The following GRM8 variants were observed in gnomAD, a reference collection of about 807,000 sequenced individuals.
GRM8 encodes glutamate metabotropic receptor 8, also known as metabotropic glutamate receptor 8.
Under a neutral mutation model 87.2 loss-of-function variants are expected in GRM8, and 47 were observed. The ratio of observed to expected loss-of-function variants is 0.54; its 90% CI spans 0.43 to 0.69. The LOEUF is 0.69. GRM8 is among the 30% of genes least tolerant of loss of function. The pLI, the probability that GRM8 is intolerant of heterozygous loss-of-function variation, is 0.00. For synonymous variants in GRM8, 396 were observed against 404.5 expected (o/e 0.98, Z 0.25); for missense variants, 1,019 against 1,139.2 (o/e 0.89, Z 1.52).
chr7:126,444,076 A>G (rs949433053), intron 10 of GRM8, among the ~76,000 whole-genome samples: 1 of 151,908 alleles, frequency 6.6e-6, no homozygotes, highest in African/African-American at 2.4e-5. Context: ...TTGCTGCTAA[A>G]AAAGAAAAAA....
At chr7:127,116,784 T>G (rs991450524) in intron 2 of GRM8, among the ~76,000 whole-genome samples, 2 of 152,248 alleles carry the variant, frequency 1.3e-5, no homozygotes, top group African/African-American at 4.8e-5. Context: ...TGACAGGTAC[T>G]TAATTTTAGA....
chr7:126,896,744 TTCTATCATCATAAATAAGAA>T (rs768346552), intron 6 of GRM8, among the ~76,000 whole-genome samples: 21 of 152,164 alleles, frequency 1.4e-4, no homozygotes, highest in Admixed American at 2.6e-4. Flanking sequence ...TTACCGCTAT[TTCTATCATCATAAATAAGAA>T]TCAATAGGCC....
At chr7:126,465,599 T>C (rs986074539) in intron 9 of GRM8, among the ~76,000 whole-genome samples, 1 of 151,850 alleles carries the variant, frequency 6.6e-6, no homozygotes, top group Non-Finnish European at 1.5e-5. Flanking sequence ...GTAAATTTTA[T>C]ATTTTTATTT....
At chr7:126,602,081 CT>C (rs1797837240) in intron 8 of GRM8, among the ~76,000 whole-genome samples, 1 of 134,766 alleles carries the variant, frequency 7.4e-6, no homozygotes, top group Non-Finnish European at 1.6e-5. Context: ...ACGTTTAAAT[CT>C]TTAATCCATC....
chr7:127,228,376 G>C (rs1797475042), intron 2 of GRM8: 1 of 152,244 alleles, frequency 6.6e-6, no homozygotes, highest in South Asian at 2.1e-4. Context: ...GTTACAGGGA[G>C]CAGGTGATGT....
chr7:126,760,270 G>A (rs997701696), intron 7 of GRM8, among the ~76,000 whole-genome samples: 1 of 152,198 alleles, frequency 6.6e-6, no homozygotes, highest in African/African-American at 2.4e-5. Flanking sequence ...AATGGATGAA[G>A]TTGAGTAGGA....
At chr7:127,076,886 T>C (rs933819114) in intron 3 of GRM8, among the ~76,000 whole-genome samples, 1 of 152,140 alleles carries the variant, frequency 6.6e-6, no homozygotes, top group Admixed American at 6.5e-5. Context: ...GAGCTGTCTG[T>C]GGTTAAACAG....
chr7:127,136,571 A>AT (rs1185039575), intron 2 of GRM8, among the ~76,000 whole-genome samples: 22 of 151,892 alleles, frequency 1.4e-4, no homozygotes, highest in Non-Finnish European at 2.2e-4. Context: ...GAAGGGATAT[A>AT]TTTTTTTATT....
chr7:126,842,751 T>A (rs1314198418), intron 6 of GRM8, among the ~76,000 whole-genome samples: 2 of 152,130 alleles, frequency 1.3e-5, no homozygotes, highest in African/African-American at 4.8e-5. Context: ...CATAAGCCAA[T>A]GAATGCAAGC....
At chr7:126,899,237 G>GT (rs1801834454) in intron 6 of GRM8, among the ~76,000 whole-genome samples, 1 of 151,936 alleles carries the variant, frequency 6.6e-6, no homozygotes, top group African/African-American at 2.4e-5. Flanking sequence ...AGAACTCAAA[G>GT]TTAAGCATAG....
At chr7:126,892,882 G>A (rs1801189635) in intron 6 of GRM8, among the ~76,000 whole-genome samples, 2 of 152,002 alleles carry the variant, frequency 1.3e-5, no homozygotes, top group East Asian at 1.9e-4. Context: ...TTTCTCTGAT[G>A]GCCAGTGATG....
intron 2 of GRM8, among the ~76,000 whole-genome samples, chr7:127,166,054 T>C (rs1240078050): frequency 6.6e-6 from 1 of 152,174 alleles, no homozygotes; most frequent in Non-Finnish European, 1.5e-5. Flanking sequence ...GGATGCTTTT[T>C]CGCAAGGGAA....
At chr7:127,086,603 C>A (rs540369343) in intron 3 of GRM8, among the ~76,000 whole-genome samples, 1 of 152,302 alleles carries the variant, frequency 6.6e-6, no homozygotes, top group African/African-American at 2.4e-5. Flanking sequence ...CCCATAATGT[C>A]CCTGGTTGGA....
intron 3 of GRM8, among the ~76,000 whole-genome samples, chr7:127,034,520 T>C (rs1817671153): frequency 2.0e-5 from 3 of 152,184 alleles, no homozygotes; most frequent in Admixed American, 2.0e-4. Context: ...ACTAACCTTA[T>C]TCCCCCTGTT....
At chr7:126,499,910 T>A (rs1311039457) in intron 9 of GRM8, among the ~76,000 whole-genome samples, 2 of 46,242 alleles carry the variant, frequency 4.3e-5, no homozygotes, top group Non-Finnish European at 3.8e-5. Context: ...ATTCTATATA[T>A]ACAATTACTT....
At chr7:126,819,748 A>T (rs917320143) in intron 6 of GRM8, among the ~76,000 whole-genome samples, 140 of 152,210 alleles carry the variant, frequency 9.2e-4, no homozygotes, top group African/African-American at 2.5e-3. Flanking sequence ...AGATTTTTTA[A>T]AAAAACTATA....
intron 3 of GRM8, among the ~76,000 whole-genome samples, chr7:127,017,942 T>A (rs1287551758): frequency 6.6e-6 from 1 of 152,062 alleles, no homozygotes; most frequent in African/African-American, 2.4e-5. Flanking sequence ...ACAAAATATA[T>A]TCATTATTAA....
intron 7 of GRM8, among the ~76,000 whole-genome samples, chr7:126,746,500 G>A (rs1188096792): frequency 6.6e-6 from 1 of 151,476 alleles, no homozygotes; most frequent in South Asian, 2.1e-4. Flanking sequence ...GTAACAAAAA[G>A]CAAAATTTAA....
At chr7:127,069,670 T>C (rs1821489354) in intron 3 of GRM8, among the ~76,000 whole-genome samples, 2 of 152,292 alleles carry the variant, frequency 1.3e-5, no homozygotes, top group South Asian at 4.1e-4. Flanking sequence ...CTCTCAGAAC[T>C]AAAAGTTAGT....
Sources: gnomAD v4.1 joint callset for allele counts (sites outside exome capture counted in the v4.1 genomes callset) on GRCh38, gnomAD v4.1.1 for gene constraint, MANE v1.5 for transcripts, NCBI Gene and HGNC (gene_info 2026-07-23, HGNC 2026-07-21) for gene names.